Variants in PRKCB observed in about 807,000 individuals in gnomAD.
The protein encoded by PRKCB is protein kinase C beta type.
PRKCB carries 13 observed loss-of-function variants against 81.5 expected under a neutral mutation model. That is an observed-to-expected ratio of 0.16 (90% confidence interval 0.10 to 0.25). The LOEUF is 0.25. Among genes scored for constraint, PRKCB ranks in the 10% least tolerant of loss-of-function variants. The probability of loss-of-function intolerance (pLI) is 1.00; values close to 1 mark genes in which losing one functional copy is unlikely to be tolerated. For missense variants in PRKCB, 509 were observed against 875.7 expected, an observed-to-expected ratio of 0.58 and a Z score of 5.29; for synonymous variants, 335 against 321.4, an observed-to-expected ratio of 1.04 and a Z score of -0.45.
rs57840150 is a variant in PRKCB at position 23,933,927 on chromosome 16, T to C, written c.206-54581T>C. Among the ~76,000 whole-genome samples the C allele has an allele frequency of 1.3e-4, 18 of 138,260 alleles. 3 individuals carry two copies. Among genetic ancestry groups the C allele is most frequent in the African/African-American group, 1.7e-4 (6 of 35,888 alleles). The allele number at this position is 138,260 out of a possible 152,430, so 90.7% of individuals were successfully genotyped here. Reference sequence around the variant, plus strand: ...CCCATCCATCCATCCATCCTTCCATTCATCCATCCATCCATCCATCCATCC... The same window carrying C: ...CCCATCCATCCATCCATCCTTCCATCCATCCATCCATCCATCCATCCATCC... On this transcript the variant is annotated intron_variant, in intron 2 of 16. Coordinates refer to ENST00000643927, the MANE Select transcript of PRKCB (RefSeq NM_002738.7).
At chr16:23,887,841 G>A (rs773941147) in intron 2 of PRKCB, among the ~76,000 whole-genome samples, 38 of 149,738 alleles carry the variant, frequency 2.5e-4, no homozygotes, top group Non-Finnish European at 2.8e-4. Context: ...TTTTTTCTCC[G>A]TAATCTCACC....
intron 9 of PRKCB, among the ~76,000 whole-genome samples, chr16:24,140,216 A>G (rs958831247): frequency 6.6e-6 from 1 of 152,168 alleles, no homozygotes; most frequent in Non-Finnish European, 1.5e-5. Context: ...TTAAGAATAC[A>G]CTTTGGAAAA....
intron 2 of PRKCB, among the ~76,000 whole-genome samples, chr16:23,848,292 A>G (rs1597207912): frequency 6.6e-6 from 1 of 152,318 alleles, no homozygotes; most frequent in African/African-American, 2.4e-5. Context: ...GCCTTTGGCA[A>G]CAATACTTGC....
At chr16:24,047,665 T>C (rs1264370945) in intron 5 of PRKCB, among the ~76,000 whole-genome samples, 2 of 152,180 alleles carry the variant, frequency 1.3e-5, no homozygotes, top group Admixed American at 6.5e-5. Flanking sequence ...GTTGGAAAGA[T>C]ACAGTTTAAG....
At chr16:23,924,970 G>A (rs1188334294) in intron 2 of PRKCB, among the ~76,000 whole-genome samples, 1 of 152,008 alleles carries the variant, frequency 6.6e-6, no homozygotes, top group African/African-American at 2.4e-5. Context: ...TTCTGGACCT[G>A]GGTAAAATGA....
chr16:23,881,036 C>T lies in PRKCB; in HGVS notation c.205+43630C>T, dbSNP rs115869150. Among the ~76,000 whole-genome samples the T allele has an allele frequency of 4.9e-3, 749 of 152,162 alleles. 6 individuals carry two copies. Among genetic ancestry groups the T allele is most frequent in the African/African-American group, 0.017 (722 of 41,498 alleles). On this transcript the variant is annotated intron_variant, in intron 2 of 16. Coordinates refer to ENST00000643927, the MANE Select transcript of PRKCB (RefSeq NM_002738.7). ...TGTTACAAGCAGTGCTCTGATGAAACACCTTTTGCTGGCATTCCTAATTAT... is the reference window on the plus strand; with the variant it reads ...TGTTACAAGCAGTGCTCTGATGAAATACCTTTTGCTGGCATTCCTAATTAT...
chr16:24,094,141 T>G (rs1447352892), intron 6 of PRKCB, 22 bp from the exon 7 acceptor site: 8 of 1,610,652 alleles, frequency 5.0e-6, no homozygotes. Context: ...TCCACTGATG[T>G]CTTTTCTTTT....
At chr16:23,974,314 A>G (rs1368109636) in intron 2 of PRKCB, among the ~76,000 whole-genome samples, 2 of 152,298 alleles carry the variant, frequency 1.3e-5, no homozygotes, top group South Asian at 2.1e-4. Context: ...GGAGGAGCAC[A>G]GGACTGAGAG....
At position 23,882,025 on chromosome 16, in the gene PRKCB, C is replaced by CTTTCTTTCTTTCTCTTTCTTTCTTTCTTT. The variant is rs1597226197; in HGVS notation, c.205+44619_205+44620insTTTCTTTCTTTCTCTTTCTTTCTTTCTTT. Among the ~76,000 whole-genome samples the CTTTCTTTCTTTCTCTTTCTTTCTTTCTTT allele has an allele frequency of 2.7e-3, 49 of 18,348 alleles. 1 individual carries two copies. The highest frequency in any genetic ancestry group is 5.1e-3 in the East Asian group (1 of 196). 12.0% of individuals were successfully genotyped at this position (18,348 alleles called of 152,430 possible). A position where few individuals can be genotyped will look rare whatever the true frequency, so the allele number is the denominator to read the frequency against. On this transcript the variant is annotated intron_variant, in intron 2 of 16. Transcript: ENST00000643927. ...TTCTTTCTTTCTTTCTTTCTTTCTT[C>CTTTCTTTCTTTCTCTTTCTTTCTTTCTTT]CTTCCTTCCTTCCTTCCTTCCTTCC...
At chr16:24,013,078 G>A (rs2141838825) in intron 3 of PRKCB, among the ~76,000 whole-genome samples, 1 of 152,266 alleles carries the variant, frequency 6.6e-6, no homozygotes, top group Middle Eastern at 3.4e-3. Flanking sequence ...TGCATGCAGG[G>A]TTAAGGGCCC....
chr16:23,969,242 A>G (rs1356792264), intron 2 of PRKCB, among the ~76,000 whole-genome samples: 1 of 152,100 alleles, frequency 6.6e-6, no homozygotes, highest in African/African-American at 2.4e-5. Flanking sequence ...TGCATCTTCC[A>G]TGGGGAGTTT....
chr16:24,042,425 T>C (rs920058841), intron 5 of PRKCB, among the ~76,000 whole-genome samples: 4 of 152,080 alleles, frequency 2.6e-5, no homozygotes, highest in African/African-American at 9.7e-5. Flanking sequence ...CCTTTTACAT[T>C]ATTGGTTTGT....
intron 15 of PRKCB, among the ~76,000 whole-genome samples, chr16:24,188,068 G>T (rs1292707170): frequency 6.6e-6 from 1 of 152,210 alleles, no homozygotes; most frequent in Non-Finnish European, 1.5e-5. Context: ...TTCTAAATGG[G>T]TCATGGAGGA....
intron 3 of PRKCB, among the ~76,000 whole-genome samples, chr16:23,995,420 C>A (rs1399482862): frequency 6.6e-6 from 1 of 152,088 alleles, no homozygotes; most frequent in Non-Finnish European, 1.5e-5. Flanking sequence ...CTTTGGCAAG[C>A]CTTTATAGGT....
intron 13 of PRKCB, among the ~76,000 whole-genome samples, chr16:24,184,142 A>G (rs1390863168): frequency 6.6e-6 from 1 of 152,240 alleles, no homozygotes; most frequent in African/African-American, 2.4e-5. Flanking sequence ...ATGTTCATAT[A>G]CAAATATTAA....
At chr16:24,012,656 A>T (rs150438320) in intron 3 of PRKCB, among the ~76,000 whole-genome samples, 15 of 152,378 alleles carry the variant, frequency 9.8e-5, no homozygotes, top group African/African-American at 3.6e-4. Flanking sequence ...GGGTGGACAT[A>T]CGTCCTCCTC....
intron 2 of PRKCB, among the ~76,000 whole-genome samples, chr16:23,887,618 T>C (rs1464103955): frequency 6.6e-6 from 1 of 152,204 alleles, no homozygotes. Flanking sequence ...CTAGGTGGAT[T>C]CCATGTTTTT....
rs534190057 is a variant in PRKCB at position 23,841,154 on chromosome 16, C to T, written c.205+3748C>T. 3.0e-4 allele frequency among the ~76,000 whole-genome samples: 46 copies of T among 152,236 alleles called. 2 individuals are homozygous for T. The South Asian group carries it at 8.3e-3, about 27-fold the overall frequency. On this transcript the variant is annotated intron_variant, in intron 2 of 16. Transcript: ENST00000643927. ...AGTGCAGTGGCACCATTTCGACTCA[C>T]GGTAACCTCCATCTCCTGGGGCTCA...
intron 2 of PRKCB, among the ~76,000 whole-genome samples, chr16:23,936,578 AATTT>A (rs1964060856): frequency 1.0e-5 from 1 of 95,238 alleles, no homozygotes; most frequent in Admixed American, 1.3e-4. Context: ...ACACCCAACT[AATTT>A]TTTTTTTTTT....
Sources: gnomAD v4.1 joint callset for allele counts (sites outside exome capture counted in the v4.1 genomes callset) on GRCh38, gnomAD v4.1.1 for gene constraint, MANE v1.5 for transcripts, NCBI Gene and HGNC (gene_info 2026-07-23, HGNC 2026-07-21) for gene names.